GPALPP1: variants seen among roughly 807,000 people sequenced by gnomAD.
The protein encoded by GPALPP1 is GPALPP motifs-containing protein 1.
In GPALPP1, 30 loss-of-function variants were observed where a neutral mutation model predicts 38.9. The ratio of observed to expected loss-of-function variants is 0.77; its 90% CI spans 0.58 to 1.05. The LOEUF is 1.05. GPALPP1 is among the 50% of genes least tolerant of loss of function. The probability of loss-of-function intolerance (pLI) is 0.00; values close to 1 mark genes in which losing one functional copy is unlikely to be tolerated. For synonymous variants in GPALPP1, 120 were observed against 139.2 expected, an observed-to-expected ratio of 0.86 and a Z score of 0.97; for missense variants, 384 against 408.8, an observed-to-expected ratio of 0.94 and a Z score of 0.52.
intron 4 of GPALPP1, among the ~76,000 whole-genome samples, chr13:45,011,800 T>C (rs1874500049): frequency 6.6e-6 from 1 of 152,120 alleles, no homozygotes; most frequent in Non-Finnish European, 1.5e-5. Flanking sequence ...TGAGTGTAAC[T>C]GAAGAATTTA....
intron 2 of GPALPP1, 25 bp downstream of exon 2, chr13:45,004,462 GATA>G: frequency 6.3e-7 from 1 of 1,575,314 alleles, no homozygotes; most frequent in African/African-American, 1.3e-5. Flanking sequence ...TAAATTAAAT[GATA>G]GACCAAACTT....
intron 7 of GPALPP1, among the ~76,000 whole-genome samples, chr13:45,024,330 T>G (rs916777210): frequency 6.6e-6 from 1 of 151,132 alleles, no homozygotes; most frequent in Non-Finnish European, 1.5e-5. Context: ...AGTCTCGCTC[T>G]GCTCCATTGC....
intron 4 of GPALPP1, among the ~76,000 whole-genome samples, chr13:45,013,837 A>G (rs1036977359): frequency 2.0e-5 from 3 of 152,190 alleles, no homozygotes; most frequent in South Asian, 2.1e-4. Flanking sequence ...AAGGTACCTA[A>G]TTTCTATTGT....
downstream of GPALPP1, chr13:45,030,529 A>C (rs941599469): frequency 1.5e-4 from 23 of 152,112 alleles, no homozygotes; most frequent in African/African-American, 5.6e-4. Context: ...ACAGGCGTGC[A>C]CCACCATGCT....
chr13:45,011,960 A>G (rs949004413), intron 4 of GPALPP1, among the ~76,000 whole-genome samples: 1 of 152,240 alleles, frequency 6.6e-6, no homozygotes, highest in African/African-American at 2.4e-5. Context: ...AAGAAATAAA[A>G]TAACAACCAT....
chr13:45,016,905 T>C (rs566564871), intron 6 of GPALPP1, among the ~76,000 whole-genome samples: 21 of 152,164 alleles, frequency 1.4e-4, no homozygotes, highest in Non-Finnish European at 2.8e-4. Context: ...GTGCTGGGAT[T>C]ACAGGCGTGA....
intron 1 of GPALPP1, chr13:45,002,573 C>G (rs1873776214): frequency 6.6e-6 from 1 of 152,228 alleles, no homozygotes; most frequent in Admixed American, 6.5e-5. Context: ...CATATATTAA[C>G]TGATATAATC....
downstream of GPALPP1, chr13:45,034,841 A>C (rs921461327): frequency 6.9e-6 from 1 of 145,198 alleles, no homozygotes; most frequent in African/African-American, 2.6e-5. Context: ...GGTTCAAGTG[A>C]TTCTCCTGCC....
chr13:45,007,811 A>G (rs189676380), intron 3 of GPALPP1, among the ~76,000 whole-genome samples: 2 of 152,350 alleles, frequency 1.3e-5, no homozygotes, highest in East Asian at 1.9e-4. Flanking sequence ...AGTGACAACT[A>G]TGGAAAAAAC....
intron 4 of GPALPP1, among the ~76,000 whole-genome samples, chr13:45,014,690 G>A (rs976002695): frequency 9.2e-5 from 14 of 152,194 alleles, no homozygotes; most frequent in African/African-American, 3.4e-4. Flanking sequence ...CCTTCAGGAA[G>A]AGAGTGAGGT....
intron 6 of GPALPP1, among the ~76,000 whole-genome samples, chr13:45,016,684 A>G (rs1221126844): frequency 6.6e-6 from 1 of 152,172 alleles, no homozygotes; most frequent in East Asian, 1.9e-4. Context: ...TCTGTCACCC[A>G]GGTTGGACTG....
At position 45,020,434 on chromosome 13, in the gene GPALPP1, TA is replaced by T; in HGVS notation, c.804+8del. On this transcript the variant is annotated splice_region_variant and intron_variant, in intron 7 of 7. Coordinates refer to ENST00000379151, the MANE Select transcript of GPALPP1 (RefSeq NM_018559.5). Reference sequence around the variant, plus strand: ...AGCAGGTATCTTCATACAATGTAAGTAAGAAAATAAGATATATAGAGCCAGG... The same window carrying T: ...AGCAGGTATCTTCATACAATGTAAGTAGAAAATAAGATATATAGAGCCAGG... 1 of 1,108,354 alleles carries T rather than the reference TA, an allele frequency of 9.0e-7. No individual in the cohort carries two copies. The allele number at this position is 1,108,354 out of a possible 1,614,324, so 68.7% of individuals were successfully genotyped here. A position where few individuals can be genotyped will look rare whatever the true frequency, so the allele number is the denominator to read the frequency against.
At chr13:45,013,352 GAC>G (rs1874609401) in intron 4 of GPALPP1, among the ~76,000 whole-genome samples, 1 of 152,158 alleles carries the variant, frequency 6.6e-6, no homozygotes, top group South Asian at 2.1e-4. Flanking sequence ...GCAGTGTCCA[GAC>G]ACAGAAGAGG....
chr13:44,994,217 CAAA>C (rs1165851530), intron 1 of GPALPP1, among the ~76,000 whole-genome samples: 1 of 61,482 alleles, frequency 1.6e-5, no homozygotes, highest in Admixed American at 1.8e-4. Context: ...GACCCTGTCT[CAAA>C]AAAAAAAAAA....
chr13:45,004,114 A>G (rs1421867863), intron 1 of GPALPP1, among the ~76,000 whole-genome samples, 191 bp from the exon 2 acceptor site: 1 of 152,230 alleles, frequency 6.6e-6, no homozygotes, highest in Non-Finnish European at 1.5e-5. Context: ...TGTGTAAGAC[A>G]TGATTTCTGC....
At chr13:45,012,844 A>G (rs1874578336) in intron 4 of GPALPP1, among the ~76,000 whole-genome samples, 1 of 152,046 alleles carries the variant, frequency 6.6e-6, no homozygotes, top group Non-Finnish European at 1.5e-5. Context: ...CCCGGCATAT[A>G]CCCCCAAATT....
rs1566076452 is a variant in GPALPP1 at position 45,006,226 on chromosome 13, T to TGAC, written c.249_251dup (p.Asp88dup). 6.2e-7 allele frequency: 1 copy of TGAC among 1,608,666 alleles called. No homozygotes were observed. The highest frequency in any genetic ancestry group is 8.5e-7 in the Non-Finnish European group (1 of 1,176,778). ...GAAAACAGAGGAAAAATCAGGATGA[T>TGAC]GACGATGATGATGATGATGGGTTTT... On this transcript the variant is annotated inframe_insertion, in exon 3 of 8. Coordinates refer to ENST00000379151, the MANE Select transcript of GPALPP1 (RefSeq NM_018559.5).
chr13:45,011,146 A>C (rs55669614), intron 4 of GPALPP1, among the ~76,000 whole-genome samples: 8,679 of 152,044 alleles, frequency 0.057, 387 homozygotes, highest in East Asian at 0.12. Context: ...GGAGAGGATG[A>C]AAGTTAGGGT....
At chr13:45,023,224 GTTAT>G (rs933238865) in intron 7 of GPALPP1, among the ~76,000 whole-genome samples, 4 of 152,028 alleles carry the variant, frequency 2.6e-5, no homozygotes, top group African/African-American at 7.2e-5. Flanking sequence ...GCTTTTAGGT[GTTAT>G]TTATTATTTT....
Sources: gnomAD v4.1 joint callset for allele counts (sites outside exome capture counted in the v4.1 genomes callset) on GRCh38, gnomAD v4.1.1 for gene constraint, MANE v1.5 for transcripts, NCBI Gene and HGNC (gene_info 2026-07-23, HGNC 2026-07-21) for gene names.